Variants in BPTF observed in about 807,000 individuals in gnomAD.
The protein encoded by BPTF is nucleosome-remodeling factor subunit BPTF.
BPTF carries 18 observed loss-of-function variants against 292.5 expected under a neutral mutation model. The observed-to-expected ratio is 0.06, with a 90% confidence interval of 0.04 to 0.09. The LOEUF is 0.09. BPTF is among the 10% of genes least tolerant of loss of function. The probability of loss-of-function intolerance (pLI) is 1.00; values close to 1 mark genes in which losing one functional copy is unlikely to be tolerated. For missense variants in BPTF, 2,726 were observed against 3,498.7 expected, an observed-to-expected ratio of 0.78 and a Z score of 5.57; for synonymous variants, 1,225 against 1,251.9, an observed-to-expected ratio of 0.98 and a Z score of 0.45.
At chr17:67,850,647 A>C (rs560884478) in intron 1 of BPTF, among the ~76,000 whole-genome samples, 5 of 152,158 alleles carry the variant, frequency 3.3e-5, no homozygotes. Flanking sequence ...GATTACGGGC[A>C]TGAGCCACTG....
At chr17:67,945,274 C>T (rs889153774) in intron 20 of BPTF, 135 bp from the exon 21 acceptor site, 20 of 1,446,874 alleles carry the variant, frequency 1.4e-5, no homozygotes, top group Admixed American at 2.6e-5. Context: ...CCCACCTCAA[C>T]GTCCCAAGGT....
At chr17:67,898,764 C>T (rs756272309) in intron 7 of BPTF, among the ~76,000 whole-genome samples, 1 of 147,520 alleles carries the variant, frequency 6.8e-6, no homozygotes, top group Non-Finnish European at 1.5e-5. Flanking sequence ...AAAAAAGATA[C>T]CCACTATTGG....
chr17:67,924,599 C>A lies in BPTF; in HGVS notation c.5751+10C>A, dbSNP rs1260555778. The stretch of plus-strand genomic sequence containing the variant: ...TGAGCAACAGGCTAAGGTTAGTGAA[C>A]AGAAGAAGGCAGAGGACATCAAGGC... On this transcript the variant is annotated intron_variant, in intron 15 of 27. Coordinates refer to ENST00000306378, the MANE Select transcript of BPTF (RefSeq NM_182641.4). The A allele has an allele frequency of 6.2e-6, 10 of 1,612,840 alleles. No individual in the cohort carries two copies. The highest frequency in any genetic ancestry group is 8.5e-6 in the Non-Finnish European group (10 of 1,179,730).
At chr17:67,868,237 C>G (rs1450247473) in intron 3 of BPTF, among the ~76,000 whole-genome samples, 1 of 152,118 alleles carries the variant, frequency 6.6e-6, no homozygotes, top group Non-Finnish European at 1.5e-5. Flanking sequence ...GAATCTCTCT[C>G]CTTCAAAATC....
rs563012201 is a variant in BPTF, at chr17:67,854,761, A to T, written c.1435A>T (p.Ile479Leu). The change falls in exon 2 of 28, where the codon ATA (isoleucine) becomes TTA (leucine). Residue 479 changes from isoleucine (I) to leucine (L), a missense_variant and splice_region_variant. Transcript: ENST00000306378. This position sits in a 1 kb window ranked among gnomAD's most constrained non-coding sequence, Gnocchi z 5.6. Reference protein sequence around the residue: ...KYWFLNRRLIIEEDTENENEK... With the variant: ...KYWFLNRRLILEEDTENENEK... Reference sequence around the variant, plus strand: ...CTGGTTCTTGAACCGAAGACTCATAATGTAAGTAAATCTGGTCTTAATTTT... The same window carrying T: ...CTGGTTCTTGAACCGAAGACTCATATTGTAAGTAAATCTGGTCTTAATTTT... 1 of 1,603,592 alleles carries T rather than the reference A, an allele frequency of 6.2e-7. No homozygotes were observed. Among genetic ancestry groups the T allele is most frequent in the Non-Finnish European group, 8.5e-7 (1 of 1,173,030 alleles).
rs374794915 is a variant in BPTF, at chr17:67,922,973, C to G, written c.5691C>G (p.Ile1897Met). ...VAEEELELWE[I>M]RAFAERVEKE... ...AAGAAGAACTGGAATTGTGGGAGAT[C>G]AGGGCATTTGCTGAGAGGTAAGGAA... The change falls in exon 14 of 28, where the codon ATC becomes ATG. Residue 1897 changes from isoleucine to methionine, a missense_variant. Ile to Met is a conservative substitution (Grantham distance 10, BLOSUM62 1). Around this residue, in one of 22 missense-constraint regions of BPTF, gnomAD observed 198 missense variants for 277.1 expected, o/e 0.71. Transcript: ENST00000306378. 6.2e-7 allele frequency: 1 copy of G among 1,613,546 alleles called. No homozygotes were observed. Among genetic ancestry groups the G allele is most frequent in the South Asian group, 1.1e-5 (1 of 90,986 alleles).
At chr17:67,925,595 C>T (rs1255868899) in intron 15 of BPTF, among the ~76,000 whole-genome samples, 1 of 152,092 alleles carries the variant, frequency 6.6e-6, no homozygotes, top group Non-Finnish European at 1.5e-5. Context: ...ACCACTTATT[C>T]CTATTGAGAA....
chr17:67,857,180 G>C (rs1208028251), intron 2 of BPTF, among the ~76,000 whole-genome samples: 1 of 109,986 alleles, frequency 9.1e-6, no homozygotes, highest in Non-Finnish European at 1.7e-5. Flanking sequence ...TTTTGAGACA[G>C]AGTCTTGCTC....
intron 18 of BPTF, among the ~76,000 whole-genome samples, chr17:67,933,285 C>T (rs1323740253): frequency 6.7e-6 from 1 of 149,786 alleles, no homozygotes. Flanking sequence ...AGGTAAAGAT[C>T]ATGGCCAGGC....
In BPTF at chr17:67,912,681, A is replaced by G; in HGVS notation, c.4797A>G (p.Ser1599=). Residue 1599 remains serine, a synonymous_variant, in exon 11 of 28, where the codon TCA becomes TCG. Coordinates refer to ENST00000306378, the MANE Select transcript of BPTF (RefSeq NM_182641.4). ...TTMTSTVATE[S]KTVIKVEKGD... is the part of the protein sequence containing the mutation. ...TGACCTCCACAGTGGCCACAGAATCAAAAACTGTGATCAAGGTAGAAAAAG... is the reference window on the plus strand; with the variant it reads ...TGACCTCCACAGTGGCCACAGAATCGAAAACTGTGATCAAGGTAGAAAAAG... 1 of 1,614,100 alleles carries G rather than the reference A, an allele frequency of 6.2e-7. No individual in the cohort carries two copies. The highest frequency in any genetic ancestry group is 8.5e-7 in the Non-Finnish European group (1 of 1,180,056).
intron 7 of BPTF, among the ~76,000 whole-genome samples, chr17:67,900,395 G>A (rs376042155): frequency 2.6e-5 from 4 of 151,698 alleles, no homozygotes; most frequent in African/African-American, 4.8e-5. Flanking sequence ...GTTAGCCACC[G>A]CGTTCAGCCA....
chr17:67,944,459 C>A, intron 20 of BPTF, 87 bp downstream of exon 20: 1 of 1,438,204 alleles, frequency 7.0e-7, no homozygotes, highest in Non-Finnish European at 9.5e-7. Context: ...CCAGTATTTA[C>A]CTTTGGAAGG....
Position 67,854,862 on chromosome 17 carries a change from CT to C in BPTF, c.1436+103del. On this transcript the variant is annotated intron_variant, in intron 2 of 27. Transcript: ENST00000306378. This position sits in a 1 kb window ranked among gnomAD's most constrained non-coding sequence, Gnocchi z 5.6. The stretch of plus-strand genomic sequence containing the variant: ...GCTATGCTGTTGATGTGGTATAAAC[CT>C]TTGTAACTTAATAGTTATACAGTTA... 2.6e-6 allele frequency: 2 copies of C among 773,024 alleles called. No individual in the cohort carries two copies. The highest frequency in any genetic ancestry group is 4.1e-6 in the Non-Finnish European group (2 of 485,304). The allele number at this position is 773,024 out of a possible 1,614,324, so 47.9% of individuals were successfully genotyped here.
chr17:67,869,039 C>A lies in BPTF; in HGVS notation c.1660+2352C>A, dbSNP rs536678659. Among the ~76,000 whole-genome samples, 542 of 152,208 alleles carry A rather than the reference C, an allele frequency of 3.6e-3. 2 individuals are homozygous for A. The highest frequency in any genetic ancestry group is 5.1e-3 in the Non-Finnish European group (346 of 68,012). ...TTTGGGGGATAAGTAATTGCAGTAA[C>A]ACAATCTCCGTCTTACTCTCCCCCC... On this transcript the variant is annotated intron_variant, in intron 3 of 27. Transcript: ENST00000306378.
Position 67,945,595 on chromosome 17 carries a change from A to G in BPTF, c.6887A>G (p.Gln2296Arg), listed in dbSNP as rs1473357921. Residue 2296 changes from glutamine to arginine, a missense_variant, in exon 21 of 28, where the codon CAG (glutamine) becomes CGG (arginine). This residue lies in a region of BPTF where 570 missense variants were observed against 633.5 expected (regional missense o/e 0.90). Coordinates refer to ENST00000306378, the MANE Select transcript of BPTF (RefSeq NM_182641.4). ...CCAGCTCAGCCTGAAGTTCAGACTC[A>G]GCCTGAAGTTCAGACCCAAACAACT... ...QSPAQPEVQTQPEVQTQTTVS... is the reference protein window; with the variant it reads ...QSPAQPEVQTRPEVQTQTTVS... 2 of 1,612,272 alleles carry G rather than the reference A, an allele frequency of 1.2e-6. No homozygotes were observed. Among genetic ancestry groups the G allele is most frequent in the Non-Finnish European group, 1.7e-6 (2 of 1,179,222 alleles).
At chr17:67,839,509 C>T (rs1354829482) in intron 1 of BPTF, among the ~76,000 whole-genome samples, 1 of 152,146 alleles carries the variant, frequency 6.6e-6, no homozygotes, top group Non-Finnish European at 1.5e-5. Context: ...CAGCAAACCT[C>T]TCTTGATCCT....
At chr17:67,875,154 C>T (rs370804480) in intron 4 of BPTF, 134 bp downstream of exon 4, 4 of 739,198 alleles carry the variant, frequency 5.4e-6, no homozygotes, top group Admixed American at 2.9e-5. Context: ...ATCAGGATAC[C>T]GTCCCCTCTT....
rs565259548 is a variant in BPTF, at chr17:67,899,595, A to G, written c.2544-4194A>G. Reference sequence around the variant, plus strand: ...GCTCAGGCTGGAGTGCAGTGGTGCAATCTCAGCTCACTGCAACCTCCACCT... The same window carrying G: ...GCTCAGGCTGGAGTGCAGTGGTGCAGTCTCAGCTCACTGCAACCTCCACCT... On this transcript the variant is annotated intron_variant, in intron 7 of 27. Transcript: ENST00000306378. 3.3e-5 allele frequency among the ~76,000 whole-genome samples: 5 copies of G among 150,558 alleles called. No homozygotes were observed. The East Asian group carries it at 9.7e-4, about 29-fold the overall frequency.
rs528065035 is a variant in BPTF, at chr17:67,947,800, G to A, written c.7692G>A (p.Glu2564=). 20 of 1,552,186 alleles carry A rather than the reference G, an allele frequency of 1.3e-5. No individual in the cohort carries two copies. The highest frequency in any genetic ancestry group is 1.7e-4 in the Middle Eastern group (1 of 5,992). The change falls in exon 22 of 28, where the codon GAG becomes GAA. Residue 2564 remains glutamate (E), a synonymous_variant. Coordinates refer to ENST00000306378, the MANE Select transcript of BPTF (RefSeq NM_182641.4). ...KKSMTPAERE[E]NQRMIVCNQV... is the part of the protein sequence containing the mutation. ...GCATGACTCCAGCTGAAAGAGAAGA[G>A]AATCAAAGGTAGGGGAGACGCAGGG...
Sources: allele counts gnomAD v4.1 joint callset (sites outside exome capture counted in the v4.1 genomes callset), GRCh38; gene constraint gnomAD v4.1.1; regional missense constraint gnomAD v4.1.1; non-coding constraint Gnocchi (gnomAD v3.1); transcripts MANE v1.5; gene names NCBI Gene and HGNC (gene_info 2026-07-23, HGNC 2026-07-21).